Variants in DHX29 observed in about 807,000 individuals in gnomAD.
DHX29 encodes DExH-box helicase 29.
A neutral mutation model predicts 167.9 loss-of-function variants in DHX29; 79 were observed. The observed-to-expected ratio is 0.47, with a 90% confidence interval of 0.39 to 0.57. The LOEUF (loss-of-function observed/expected upper bound fraction) is 0.57, where lower values mean the gene tolerates loss of function less well. DHX29 is among the 20% of genes least tolerant of loss of function. The pLI is 0.00. For missense variants in DHX29, 1,347 were observed against 1,593.4 expected, an observed-to-expected ratio of 0.85 and a Z score of 2.63; for synonymous variants, 530 against 546.0, an observed-to-expected ratio of 0.97 and a Z score of 0.41.
intron 4 of DHX29, 68 bp from the exon 5 acceptor site, chr5:55,295,592 T>C: frequency 6.6e-7 from 1 of 1,510,152 alleles, no homozygotes; most frequent in Admixed American, 2.0e-5. Flanking sequence ...AAATATTTGT[T>C]AAGCATTTGT....
chr5:55,284,163 C>A (rs1339750341), intron 10 of DHX29, among the ~76,000 whole-genome samples: 1 of 152,098 alleles, frequency 6.6e-6, no homozygotes, highest in African/African-American at 2.4e-5. Flanking sequence ...TAAAATGGAG[C>A]TAGTAATTGT....
intron 8 of DHX29, among the ~76,000 whole-genome samples, chr5:55,286,493 T>C (rs965510959): frequency 6.6e-6 from 1 of 152,174 alleles, no homozygotes; most frequent in Non-Finnish European, 1.5e-5. Flanking sequence ...ATTAAGAAAA[T>C]AGAAATCAGA....
At chr5:55,305,961 TCA>T (rs939289676) in intron 1 of DHX29, among the ~76,000 whole-genome samples, 1 of 152,068 alleles carries the variant, frequency 6.6e-6, no homozygotes, top group Non-Finnish European at 1.5e-5. Flanking sequence ...TGAGAAAGGG[TCA>T]CAGTTTGGGG....
chr5:55,297,178 C>T, intron 3 of DHX29, 107 bp downstream of exon 3: 1 of 618,918 alleles, frequency 1.6e-6, no homozygotes, highest in Non-Finnish European at 2.9e-6. Context: ...TGGAAATGAT[C>T]TACATAAAAT....
rs1748174375 is a variant in DHX29, at chr5:55,293,959, G to A, written c.780+58C>T. 4 of 1,548,858 alleles carry A rather than the reference G, an allele frequency of 2.6e-6. No individual in the cohort carries two copies. In the Admixed American group the frequency reaches 8.3e-5, roughly 32 times the overall value. On this transcript the variant is annotated intron_variant, in intron 6 of 26. Transcript: ENST00000251636. ...AATGAGCAAACTAAGGCTCAGAAAA[G>A]GAAATATATCTTGCTTAAGAGCATC...
chr5:55,270,859 T>A (rs1746821098), intron 18 of DHX29, among the ~76,000 whole-genome samples, 153 bp from the exon 19 acceptor site: 1 of 152,240 alleles, frequency 6.6e-6, no homozygotes, highest in Non-Finnish European at 1.5e-5. Context: ...CATATTTAAA[T>A]AATTTAGTAA....
chr5:55,307,254 G>A, intron 1 of DHX29, 133 bp downstream of exon 1: 1 of 749,722 alleles, frequency 1.3e-6, no homozygotes, highest in Non-Finnish European at 2.1e-6. Context: ...CCACCCCATG[G>A]GGAGGTAGCA....
intron 16 of DHX29, 91 bp downstream of exon 16, chr5:55,274,523 A>T (rs1002893456): frequency 1.2e-5 from 11 of 947,298 alleles, no homozygotes; most frequent in Admixed American, 2.9e-5. Context: ...CCATGGTGAA[A>T]AGACTTTGAA....
rs1747690514 is a variant in DHX29 at position 55,285,785 on chromosome 5, T to C, written c.1143A>G (p.Gln381=). The change falls in exon 9 of 27, where the codon CAA becomes CAG. Residue 381 remains glutamine, a synonymous_variant. Coordinates refer to ENST00000251636, the MANE Select transcript of DHX29 (RefSeq NM_019030.4). ...TCTTCCTGACCCAATCAATCAGAAA[T>C]TGTTTGGGAGATTTTCCAGTCCAAC... ...ARSWTGKSPK[Q]FLIDWVRKNL... is the part of the protein sequence containing the mutation. 6.2e-7 allele frequency: 1 copy of C among 1,605,098 alleles called. No individual in the cohort carries two copies.
Position 55,269,514 on chromosome 5 carries a change from T to G in DHX29, c.3193A>C (p.Lys1065Gln), listed in dbSNP as rs1325922750. ...KIGACELNEP[K>Q]LTPLGQHLAA... ...AGGTGTTGGCCCAACGGAGTCAGTTTAGGCTCATTTAATTCACAAGCTCCA... is the reference window on the plus strand; with the variant it reads ...AGGTGTTGGCCCAACGGAGTCAGTTGAGGCTCATTTAATTCACAAGCTCCA... The change falls in exon 21 of 27, where the codon AAA (lysine) becomes CAA (glutamine). Residue 1065 changes from lysine (K) to glutamine (Q), a missense_variant. This residue lies in a region of DHX29 where 882 missense variants were observed against 1,082.4 expected (regional missense o/e 0.81). Transcript: ENST00000251636. 1 of 1,614,170 alleles carries G rather than the reference T, an allele frequency of 6.2e-7. No homozygotes were observed. Among genetic ancestry groups the G allele is most frequent in the Non-Finnish European group, 8.5e-7 (1 of 1,180,022 alleles).
At chr5:55,266,711 G>A (rs1746595754) in intron 23 of DHX29, among the ~76,000 whole-genome samples, 1 of 151,918 alleles carries the variant, frequency 6.6e-6, no homozygotes, top group African/African-American at 2.4e-5. Context: ...GAACTCCTGG[G>A]CTCAAGCAAT....
At chr5:55,303,717 G>T (rs544701263) in intron 1 of DHX29, among the ~76,000 whole-genome samples, 2 of 152,160 alleles carry the variant, frequency 1.3e-5, no homozygotes, top group South Asian at 2.1e-4. Context: ...AGGGTTTTTA[G>T]GCTTGTTTTT....
At chr5:55,277,760 G>A (rs1747193427) in intron 12 of DHX29, among the ~76,000 whole-genome samples, 2 of 151,930 alleles carry the variant, frequency 1.3e-5, no homozygotes, top group Admixed American at 1.3e-4. Context: ...ACAAAAATTA[G>A]CCGGGTATGG....
At chr5:55,261,827 A>G (rs1746328864) in intron 24 of DHX29, among the ~76,000 whole-genome samples, 1 of 152,186 alleles carries the variant, frequency 6.6e-6, no homozygotes, top group Admixed American at 6.5e-5. Flanking sequence ...TATGATTTTC[A>G]GTTGCTGGTT....
At chr5:55,283,103 A>G in intron 11 of DHX29, 100 bp downstream of exon 11, 1 of 1,310,784 alleles carries the variant, frequency 7.6e-7, no homozygotes, top group Non-Finnish European at 1.0e-6. Context: ...AACCAATAGC[A>G]GTGAAAACTC....
Position 55,285,335 on chromosome 5 carries a change from G to A in DHX29, c.1314C>T (p.His438=). ...ILTEDGMQAQ[H]LGATLALYRL... ...GGTAAAGGGCTAAAGTAGCTCCCAG[G>A]TGCTGAGCTTGCATGCCATCTTCTG... The change falls in exon 10 of 27, where the codon CAC becomes CAT. Residue 438 remains histidine, a synonymous_variant. Coordinates refer to ENST00000251636, the MANE Select transcript of DHX29 (RefSeq NM_019030.4). 3.1e-6 allele frequency: 5 copies of A among 1,613,938 alleles called. No individual in the cohort carries two copies. The highest frequency in any genetic ancestry group is 4.2e-6 in the Non-Finnish European group (5 of 1,179,996).
chr5:55,276,156 A>G, intron 14 of DHX29, 110 bp downstream of exon 14: 9 of 940,488 alleles, frequency 9.6e-6, no homozygotes, highest in Non-Finnish European at 7.8e-6. Context: ...TTCCTCATCT[A>G]TCAAATTATA....
chr5:55,275,092 G>C, intron 14 of DHX29, 82 bp from the exon 15 acceptor site: 1 of 1,461,990 alleles, frequency 6.8e-7, no homozygotes, highest in South Asian at 1.3e-5. Context: ...GGCGGTATTT[G>C]CATTCATTCA....
chr5:55,277,007 G>T, intron 13 of DHX29, 99 bp downstream of exon 13: 1 of 786,912 alleles, frequency 1.3e-6, no homozygotes. Flanking sequence ...CTGTACCTAG[G>T]AATAGTTCTG....
Sources: gnomAD v4.1 joint callset for allele counts (sites outside exome capture counted in the v4.1 genomes callset) on GRCh38, gnomAD v4.1.1 for gene constraint, gnomAD v4.1.1 regional missense constraint, MANE v1.5 for transcripts, NCBI Gene and HGNC (gene_info 2026-07-23, HGNC 2026-07-21) for gene names.